The following NRIP1 variants were observed in gnomAD, a reference collection of about 807,000 sequenced individuals.
NRIP1 encodes the protein nuclear receptor-interacting protein 1.
NRIP1 carries 28 observed loss-of-function variants against 75.0 expected under a neutral mutation model. That is an observed-to-expected ratio of 0.37 (90% CI 0.28 to 0.51). The LOEUF (loss-of-function observed/expected upper bound fraction) is 0.51, where lower values mean the gene tolerates loss of function less well. Among genes scored for constraint, NRIP1 ranks in the 20% least tolerant of loss-of-function variants. NRIP1 has a pLI of 0.92. For missense variants in NRIP1, 1,435 were observed against 1,343.7 expected (o/e 1.07, Z -1.06); for synonymous variants, 526 against 487.6 (o/e 1.08, Z -1.04).
chr21:15,040,612 C>T (rs1185206024), intron 2 of NRIP1, among the ~76,000 whole-genome samples: 2 of 151,884 alleles, frequency 1.3e-5, no homozygotes, highest in Admixed American at 6.6e-5. Flanking sequence ...TAAAAAAAGC[C>T]TTCAATACAT....
rs1368002002 is a variant in NRIP1 at position 15,017,328 on chromosome 21, AACTGCAGGTGTGCACCAC to A, written c.-457-2880_-457-2863del. Among the ~76,000 whole-genome samples, 4 of 152,112 alleles carry A rather than the reference AACTGCAGGTGTGCACCAC, an allele frequency of 2.6e-5. No homozygotes were observed. In the East Asian group the frequency reaches 5.8e-4, roughly 22 times the overall value. On this transcript the variant is annotated intron_variant, in intron 2 of 3. Transcript: ENST00000318948. ...CCGACTCAACCTCCCAAGTAGCTGG[AACTGCAGGTGTGCACCAC>A]GGTGCCCAACTTAGAGGAACATTAT... is the stretch of plus-strand genomic sequence containing the variant.
chr21:15,009,397 A>G (rs112605021), intron 3 of NRIP1, among the ~76,000 whole-genome samples: 158 of 152,348 alleles, frequency 1.0e-3, no homozygotes, highest in African/African-American at 3.7e-3. Context: ...TGGGCTCACA[A>G]TCTCATCGGG....
intron 3 of NRIP1, among the ~76,000 whole-genome samples, chr21:14,969,277 T>A (rs1229860122): frequency 6.6e-6 from 1 of 152,168 alleles, no homozygotes; most frequent in Non-Finnish European, 1.5e-5. Context: ...TTTAATGTAG[T>A]TCGTTAGTAA....
chr21:15,022,048 C>T (rs1232680478), intron 2 of NRIP1, among the ~76,000 whole-genome samples: 1 of 152,130 alleles, frequency 6.6e-6, no homozygotes. Context: ...TGGGTATACA[C>T]CTGAAGGATT....
At chr21:15,032,113 G>T (rs578182972) in intron 2 of NRIP1, among the ~76,000 whole-genome samples, 1 of 152,232 alleles carries the variant, frequency 6.6e-6, no homozygotes, top group Non-Finnish European at 1.5e-5. Context: ...AGTGGAGGAA[G>T]GAAGTAGGTC....
intron 3 of NRIP1, among the ~76,000 whole-genome samples, chr21:15,012,271 A>G (rs1411093374): frequency 6.6e-6 from 1 of 152,158 alleles, no homozygotes; most frequent in Admixed American, 6.5e-5. Flanking sequence ...TGGACTGTTC[A>G]TTTAAAAGGA....
chr21:15,002,776 A>G (rs2087878291), intron 3 of NRIP1, among the ~76,000 whole-genome samples: 1 of 152,216 alleles, frequency 6.6e-6, no homozygotes, highest in African/African-American at 2.4e-5. Flanking sequence ...AGGTATTAAC[A>G]TAGGGTTAAT....
chr21:15,015,663 A>T (rs2088209536), intron 2 of NRIP1, among the ~76,000 whole-genome samples: 1 of 152,128 alleles, frequency 6.6e-6, no homozygotes, highest in Non-Finnish European at 1.5e-5. Context: ...TTAAAATATT[A>T]TACAAGAAAA....
intron 1 of NRIP1, among the ~76,000 whole-genome samples, chr21:15,055,132 C>G (rs1005793138): frequency 1.3e-5 from 2 of 152,134 alleles, no homozygotes; most frequent in African/African-American, 2.4e-5. Flanking sequence ...CACACAGTGC[C>G]CCCTCATCTT....
chr21:15,065,053 C>A, upstream of NRIP1: 1 of 155,200 alleles, frequency 6.4e-6, no homozygotes, highest in South Asian at 1.8e-4. Flanking sequence ...CCGCGCTCCT[C>A]CCTCCGCCGC....
intron 3 of NRIP1, among the ~76,000 whole-genome samples, chr21:14,981,852 A>AT (rs61171563): frequency 0.2 from 26,345 of 131,396 alleles, 3,239 homozygotes; most frequent in East Asian, 0.3. Context: ...AGTTCATTTG[A>AT]TTTTTTTTTT....
At chr21:14,995,947 C>T (rs1443192823) in intron 3 of NRIP1, among the ~76,000 whole-genome samples, 2 of 152,154 alleles carry the variant, frequency 1.3e-5, no homozygotes, top group African/African-American at 4.8e-5. Context: ...TTGGAAGGCT[C>T]TGCATCAACT....
chr21:15,024,413 T>TG (rs2088461837), intron 2 of NRIP1, among the ~76,000 whole-genome samples: 3 of 151,534 alleles, frequency 2.0e-5, no homozygotes, highest in Admixed American at 6.6e-5. Context: ...GTGGTGGCAG[T>TG]CACCTGTAAT....
intron 3 of NRIP1, among the ~76,000 whole-genome samples, chr21:14,974,906 G>A (rs1002570827): frequency 2.0e-5 from 3 of 152,116 alleles, no homozygotes; most frequent in Non-Finnish European, 2.9e-5. Context: ...CCAGGAGTTC[G>A]AGACCAGCCT....
rs761633072 is a variant in NRIP1 at position 14,970,261 on chromosome 21, T to C, written c.-334-1735A>G. Among the ~76,000 whole-genome samples the C allele has an allele frequency of 3.3e-4, 50 of 152,134 alleles. 1 individual carries two copies. Among genetic ancestry groups the C allele is most frequent in the Middle Eastern group, 3.2e-3 (1 of 316 alleles). On this transcript the variant is annotated intron_variant, in intron 3 of 3. Transcript: ENST00000318948. ...TTTCTAATTCTCTCAAAAAACTTAA[T>C]ATGGCCAGGTACGGTGGCTCACACC...
At chr21:15,043,209 A>T (rs1214885931) in intron 2 of NRIP1, among the ~76,000 whole-genome samples, 1 of 152,226 alleles carries the variant, frequency 6.6e-6, no homozygotes, top group Non-Finnish European at 1.5e-5. Flanking sequence ...TCAAATCAAG[A>T]CATTCTTTAA....
intron 3 of NRIP1, among the ~76,000 whole-genome samples, chr21:14,981,226 C>T (rs62220715): frequency 0.19 from 28,668 of 152,178 alleles, 3,102 homozygotes; most frequent in East Asian, 0.45. Context: ...ATGAAGCTAC[C>T]AGCACACCAT....
chr21:15,014,869 C>T (rs1247953701), intron 2 of NRIP1, among the ~76,000 whole-genome samples: 1 of 149,934 alleles, frequency 6.7e-6, no homozygotes, highest in Non-Finnish European at 1.5e-5. Context: ...TTATATGGAA[C>T]TTTTTCAGTT....
chr21:14,967,326 A>G lies in NRIP1; in HGVS notation c.867T>C (p.Asn289=). 1 of 1,614,016 alleles carries G rather than the reference A, an allele frequency of 6.2e-7. No homozygotes were observed. The change falls in exon 4 of 4, where the codon AAT becomes AAC. Residue 289 remains asparagine, a synonymous_variant. Transcript: ENST00000318948. ...YSREHALKTQ[N]ANQAASERLA... is the part of the protein sequence containing the mutation. ...GTCTTTCACTTGCTGCTTGATTTGCATTTTGCGTTTTTAAAGCGTGTTCTC... is the reference window on the plus strand; with the variant it reads ...GTCTTTCACTTGCTGCTTGATTTGCGTTTTGCGTTTTTAAAGCGTGTTCTC...
Sources: allele counts gnomAD v4.1 joint callset (sites outside exome capture counted in the v4.1 genomes callset), GRCh38; gene constraint gnomAD v4.1.1; transcripts MANE v1.5; gene names NCBI Gene and HGNC (gene_info 2026-07-23, HGNC 2026-07-21).